Variants in ANAPC13 observed in about 807,000 individuals in gnomAD.
ANAPC13 encodes the protein anaphase promoting complex subunit 13, also known as anaphase-promoting complex subunit 13.
A neutral mutation model predicts 9.6 loss-of-function variants in ANAPC13; 9 were observed. That is an observed-to-expected ratio of 0.94 (90% CI 0.57 to 1.64). The LOEUF (loss-of-function observed/expected upper bound fraction) is 1.64, where lower values mean the gene tolerates loss of function less well. Ranked by LOEUF, ANAPC13 falls within the 40% of genes most tolerant of loss-of-function variation. The pLI is 0.00. For synonymous variants in ANAPC13, 30 were observed against 29.7 expected (o/e 1.01, Z -0.03); for missense variants, 75 against 85.3 (o/e 0.88, Z 0.48).
chr3:134,485,980 G>T lies in ANAPC13; in HGVS notation c.-56C>A. On this transcript the variant is annotated 5_prime_UTR_variant, in exon 1 of 3. Transcript: ENST00000354910. ...CACCCGGCCACCGCGGCAGACGCTT[G>T]CTCCTGCCACGCCCCCCCCCCCTCC... 1 of 927,196 alleles carries T rather than the reference G, an allele frequency of 1.1e-6. No individual in the cohort carries two copies. The highest frequency in any genetic ancestry group is 1.2e-6 in the Non-Finnish European group (1 of 808,602). 57.4% of individuals were successfully genotyped at this position (927,196 alleles called of 1,614,324 possible).
chr3:134,485,895 C>A, intron 1 of ANAPC13, 57 bp downstream of exon 1: 1 of 724,216 alleles, frequency 1.4e-6, no homozygotes, highest in Non-Finnish European at 1.7e-6. Context: ...CGACACTGAG[C>A]AACGAACGCA....
chr3:134,484,576 G>A (rs1173958598), intron 1 of ANAPC13, among the ~76,000 whole-genome samples: 1 of 152,182 alleles, frequency 6.6e-6, no homozygotes, highest in East Asian at 1.9e-4. Context: ...CGGTGAGCCA[G>A]GTGAGGGCTT....
Position 134,478,444 on chromosome 3 carries a change from G to T in ANAPC13, c.*146C>A. 2 of 1,019,696 alleles carry T rather than the reference G, an allele frequency of 2.0e-6. No homozygotes were observed. The highest frequency in any genetic ancestry group is 2.6e-5 in the Admixed American group (1 of 39,030). 63.2% of individuals were successfully genotyped at this position (1,019,696 alleles called of 1,614,324 possible). A position where few individuals can be genotyped will look rare whatever the true frequency, so the allele number is the denominator to read the frequency against. ...AAATCTCAGTTTCTCATTCAATTTC[G>T]CATTGCACTTTGCTACCACAAACTA... On this transcript the variant is annotated 3_prime_UTR_variant, in exon 3 of 3. Coordinates refer to ENST00000354910, the MANE Select transcript of ANAPC13 (RefSeq NM_015391.4).
intron 2 of ANAPC13, among the ~76,000 whole-genome samples, chr3:134,482,316 T>A (rs1232655807): frequency 1.3e-5 from 2 of 152,198 alleles, no homozygotes; most frequent in African/African-American, 4.8e-5. Context: ...AAAAGAGTAT[T>A]CCAGAAGGCC....
intron 2 of ANAPC13, among the ~76,000 whole-genome samples, chr3:134,481,961 T>C (rs567407936): frequency 2.0e-5 from 3 of 152,270 alleles, no homozygotes; most frequent in Non-Finnish European, 4.4e-5. Flanking sequence ...CTTTTGACTA[T>C]TTTCCTAAGC....
chr3:134,482,435 G>A (rs1559830030), intron 2 of ANAPC13, among the ~76,000 whole-genome samples: 1 of 152,218 alleles, frequency 6.6e-6, no homozygotes, highest in Non-Finnish European at 1.5e-5. Flanking sequence ...CTGAAAGACT[G>A]ATGAGCCACA....
chr3:134,484,759 CA>C (rs1934937594), intron 1 of ANAPC13, among the ~76,000 whole-genome samples: 1 of 152,234 alleles, frequency 6.6e-6, no homozygotes, highest in South Asian at 2.1e-4. Context: ...TCACTTTCCT[CA>C]GCTGATCCAA....
rs115340100 is a variant in ANAPC13, at chr3:134,484,440, T to C, written c.-27-1509A>G. 3.4e-3 allele frequency among the ~76,000 whole-genome samples: 518 copies of C among 151,380 alleles called. 1 individual carries two copies. The highest frequency in any genetic ancestry group is 0.011 in the African/African-American group (460 of 41,306). ...AGGCTCACAGCTGTCCCCCATAGGA[T>C]AACTGCAAGATATCCCTAACACCTT... On this transcript the variant is annotated intron_variant, in intron 1 of 2. Coordinates refer to ENST00000354910, the MANE Select transcript of ANAPC13 (RefSeq NM_015391.4).
Position 134,478,489 on chromosome 3 carries a change from GTGC to G in ANAPC13, c.*98_*100del. On this transcript the variant is annotated 3_prime_UTR_variant, in exon 3 of 3. Coordinates refer to ENST00000354910, the MANE Select transcript of ANAPC13 (RefSeq NM_015391.4). ...AAACTAAATGGGTGTACATTTTTGA[GTGC>G]TGATTTATTACTCAAAGGTTTGAAT... is the stretch of plus-strand genomic sequence containing the variant. 6.9e-7 allele frequency: 1 copy of G among 1,443,676 alleles called. No homozygotes were observed. The allele number at this position is 1,443,676 out of a possible 1,614,324, so 89.4% of individuals were successfully genotyped here. A position where few individuals can be genotyped will look rare whatever the true frequency, so the allele number is the denominator to read the frequency against.
At chr3:134,479,199 T>C (rs1334567290) in intron 2 of ANAPC13, among the ~76,000 whole-genome samples, 2 of 152,224 alleles carry the variant, frequency 1.3e-5, no homozygotes, top group Non-Finnish European at 2.9e-5. Flanking sequence ...GAATATTTGC[T>C]ATTATTATTA....
chr3:134,485,198 T>G (rs546262737), intron 1 of ANAPC13: 1 of 152,188 alleles, frequency 6.6e-6, no homozygotes, highest in South Asian at 2.1e-4. Context: ...GCTGGAAGGA[T>G]GGGAAGCATC....
chr3:134,485,955 C>T lies in ANAPC13; in HGVS notation c.-31G>A, dbSNP rs1414679823. 2 of 982,006 alleles carry T rather than the reference C, an allele frequency of 2.0e-6. No homozygotes were observed. Among genetic ancestry groups the T allele is most frequent in the Admixed American group, 6.3e-5 (1 of 15,950 alleles). 60.8% of individuals were successfully genotyped at this position (982,006 alleles called of 1,614,324 possible). A position where few individuals can be genotyped will look rare whatever the true frequency, so the allele number is the denominator to read the frequency against. On this transcript the variant is annotated 5_prime_UTR_variant, in exon 1 of 3. Coordinates refer to ENST00000354910, the MANE Select transcript of ANAPC13 (RefSeq NM_015391.4). ...CGGGGGCGCTGGAAACCCTTACCGGCACCCGGCCACCGCGGCAGACGCTTG... is the reference window on the plus strand; with the variant it reads ...CGGGGGCGCTGGAAACCCTTACCGGTACCCGGCCACCGCGGCAGACGCTTG...
chr3:134,485,456 C>G (rs1935031425), intron 1 of ANAPC13: 1 of 152,262 alleles, frequency 6.6e-6, no homozygotes, highest in African/African-American at 2.4e-5. Context: ...AGTGCGGTCC[C>G]GGTACCCACC....
rs1307727131 is a variant in ANAPC13, at chr3:134,482,838, T to C, written c.67A>G (p.Lys23Glu). The C allele has an allele frequency of 6.2e-7, 1 of 1,614,190 alleles. No individual in the cohort carries two copies. The highest frequency in any genetic ancestry group is 2.2e-5 in the East Asian group (1 of 44,880). ...DLIDDAWRED[K>E]LPYEDVAIPL... is the part of the protein sequence containing the mutation. Reference sequence around the variant, plus strand: ...ATTGCGACATCCTCATAAGGCAGCTTGTCTTCTCGCCAAGCATCATCAATC... The same window carrying C: ...ATTGCGACATCCTCATAAGGCAGCTCGTCTTCTCGCCAAGCATCATCAATC... The change falls in exon 2 of 3, where the codon AAG becomes GAG. Residue 23 changes from lysine (K) to glutamate (E), a missense_variant. Physicochemically the swap from Lys to Glu is moderately conservative, Grantham distance 56. Coordinates refer to ENST00000354910, the MANE Select transcript of ANAPC13 (RefSeq NM_015391.4).
chr3:134,483,410 C>G (rs1167674093), intron 1 of ANAPC13, among the ~76,000 whole-genome samples: 1 of 152,158 alleles, frequency 6.6e-6, no homozygotes, highest in African/African-American at 2.4e-5. Context: ...AAATAGTACC[C>G]AGGCTGAGAT....
At position 134,478,450 on chromosome 3, in the gene ANAPC13, C is replaced by T. The variant is rs1028572147; in HGVS notation, c.*140G>A. On this transcript the variant is annotated 3_prime_UTR_variant, in exon 3 of 3. Coordinates refer to ENST00000354910, the MANE Select transcript of ANAPC13 (RefSeq NM_015391.4). ...CAGTTTCTCATTCAATTTCGCATTG[C>T]ACTTTGCTACCACAAACTAAATGGG... is the stretch of plus-strand genomic sequence containing the variant. The T allele has an allele frequency of 9.0e-7, 1 of 1,114,234 alleles. No homozygotes were observed. The highest frequency in any genetic ancestry group is 1.3e-6 in the Non-Finnish European group (1 of 788,190). The allele number at this position is 1,114,234 out of a possible 1,614,324, so 69.0% of individuals were successfully genotyped here. A position where few individuals can be genotyped will look rare whatever the true frequency, so the allele number is the denominator to read the frequency against.
chr3:134,483,145 G>A, intron 1 of ANAPC13: 1 of 539,572 alleles, frequency 1.9e-6, no homozygotes. Context: ...TAGCCCAGCT[G>A]ACAGACCAGT....
At position 134,485,977 on chromosome 3, in the gene ANAPC13, C is replaced by A. The variant is rs1391159551; in HGVS notation, c.-53G>T. 11 of 941,984 alleles carry A rather than the reference C, an allele frequency of 1.2e-5. No individual in the cohort carries two copies. Among genetic ancestry groups the A allele is most frequent in the Non-Finnish European group, 1.2e-5 (10 of 814,560 alleles). The allele number at this position is 941,984 out of a possible 1,614,324, so 58.4% of individuals were successfully genotyped here. A position where few individuals can be genotyped will look rare whatever the true frequency, so the allele number is the denominator to read the frequency against. On this transcript the variant is annotated 5_prime_UTR_variant, in exon 1 of 3. Coordinates refer to ENST00000354910, the MANE Select transcript of ANAPC13 (RefSeq NM_015391.4). ...CGGCACCCGGCCACCGCGGCAGACG[C>A]TTGCTCCTGCCACGCCCCCCCCCCC...
chr3:134,485,788 G>C (rs1013168425), intron 1 of ANAPC13, 164 bp downstream of exon 1: 1 of 175,360 alleles, frequency 5.7e-6, no homozygotes, highest in African/African-American at 2.4e-5. Flanking sequence ...GTCTGGGGGT[G>C]CCACGCAAGT....
Sources: gnomAD v4.1 joint callset for allele counts (sites outside exome capture counted in the v4.1 genomes callset) on GRCh38, gnomAD v4.1.1 for gene constraint, MANE v1.5 for transcripts, NCBI Gene and HGNC (gene_info 2026-07-23, HGNC 2026-07-21) for gene names.